Variants in ZC3H7B observed in about 807,000 individuals in gnomAD.
The protein encoded by ZC3H7B is zinc finger CCCH domain-containing protein 7B.
A neutral mutation model predicts 116.0 loss-of-function variants in ZC3H7B; 35 were observed. That is an observed-to-expected ratio of 0.30 (90% CI 0.23 to 0.40). The LOEUF is 0.40. ZC3H7B is among the 10% of genes least tolerant of loss of function. The probability of loss-of-function intolerance (pLI) is 1.00; values close to 1 mark genes in which losing one functional copy is unlikely to be tolerated. For synonymous variants in ZC3H7B, 502 were observed against 545.6 expected (o/e 0.92, Z 1.11); for missense variants, 1,011 against 1,321.5 (o/e 0.77, Z 3.64).
At chr22:41,339,714 G>A (rs1485474165) in intron 9 of ZC3H7B, 102 bp from the exon 10 acceptor site, 41 of 1,127,490 alleles carry the variant, frequency 3.6e-5, no homozygotes, top group Non-Finnish European at 4.9e-5. Context: ...GATGAAGCCA[G>A]GCGACAGGGT....
Position 41,346,027 on chromosome 22 carries a change from A to G in ZC3H7B, c.1484A>G (p.Lys495Arg). Residue 495 changes from lysine to arginine, a missense_variant, in exon 14 of 23, where the codon AAG becomes AGG. Physicochemically the swap from Lys to Arg is conservative, Grantham distance 26 (BLOSUM62 2). Around this residue, in one of 5 missense-constraint regions of ZC3H7B, gnomAD observed 179 missense variants for 178.5 expected, o/e 1.00. Transcript: ENST00000352645. This position sits in a 1 kb window ranked among gnomAD's most constrained non-coding sequence, Gnocchi z 5.3. ...GACATGATTAACAAGCAGGACTGTA[A>G]GTACGGGGATAACTGCACCTTCGCC... ...CKDMINKQDC[K>R]YGDNCTFAYH... 1 of 1,614,138 alleles carries G rather than the reference A, an allele frequency of 6.2e-7. No homozygotes were observed. The highest frequency in any genetic ancestry group is 8.5e-7 in the Non-Finnish European group (1 of 1,180,018).
chr22:41,332,318 G>C, intron 7 of ZC3H7B, 91 bp downstream of exon 7: 1 of 1,494,342 alleles, frequency 6.7e-7, no homozygotes, highest in Non-Finnish European at 9.3e-7. Flanking sequence ...CTCAGGCAGT[G>C]GGTCCAGGGG....
intron 1 of ZC3H7B, among the ~76,000 whole-genome samples, chr22:41,308,927 C>G (rs765783112): frequency 2.6e-5 from 4 of 151,790 alleles, no homozygotes; most frequent in Non-Finnish European, 4.4e-5. Flanking sequence ...TCTTACCCCA[C>G]CTCCTATCTT....
intron 1 of ZC3H7B, among the ~76,000 whole-genome samples, chr22:41,310,211 T>C (rs192044086): frequency 1.1e-4 from 17 of 152,016 alleles, no homozygotes; most frequent in Non-Finnish European, 1.3e-4. Flanking sequence ...TAAATCAACA[T>C]TGAGTGATTG....
intron 1 of ZC3H7B, among the ~76,000 whole-genome samples, chr22:41,307,485 C>A (rs2036059708): frequency 6.6e-6 from 1 of 152,188 alleles, no homozygotes; most frequent in South Asian, 2.1e-4. Flanking sequence ...GAGGGACATT[C>A]CTGCATTCAG....
chr22:41,346,767 G>C lies in ZC3H7B; in HGVS notation c.1665+559G>C, dbSNP rs931226568. ...GGAGGCAAAGGTTGCAGTGAGCCGA[G>C]ATCGCGCAACTGCACTAGAGACTCC... On this transcript the variant is annotated intron_variant, in intron 14 of 22. Coordinates refer to ENST00000352645, the MANE Select transcript of ZC3H7B (RefSeq NM_017590.6). This position sits in a 1 kb window ranked among gnomAD's most constrained non-coding sequence, Gnocchi z 5.3. Among the ~76,000 whole-genome samples, 5 of 152,092 alleles carry C rather than the reference G, an allele frequency of 3.3e-5. No homozygotes were observed. The highest frequency in any genetic ancestry group is 5.9e-5 in the Non-Finnish European group (4 of 68,042).
chr22:41,344,544 G>A (rs1437253362), intron 13 of ZC3H7B, among the ~76,000 whole-genome samples: 2 of 152,116 alleles, frequency 1.3e-5, no homozygotes, highest in Non-Finnish European at 2.9e-5. Context: ...TTCAAGCACC[G>A]CCTGAATCTT....
intron 6 of ZC3H7B, among the ~76,000 whole-genome samples, chr22:41,330,895 C>T (rs1569236286): frequency 7.1e-6 from 1 of 141,434 alleles, no homozygotes; most frequent in Non-Finnish European, 1.5e-5. Context: ...GACTCTCGCT[C>T]TGTCACCCAG....
At position 41,327,398 on chromosome 22, in the gene ZC3H7B, C is replaced by T. The variant is rs2036332957; in HGVS notation, c.444+34C>T. On this transcript the variant is annotated intron_variant, in intron 5 of 22. Transcript: ENST00000352645. The surrounding 1 kb of genome is among the most constrained non-coding windows in gnomAD (Gnocchi z 4.5). ...GGCTCTGCAGCCACGCCGGTGCCTG[C>T]TCAGAGGCCAGGCTTCTGACCTTCC... is the stretch of plus-strand genomic sequence containing the variant. 6.3e-7 allele frequency: 1 copy of T among 1,599,752 alleles called. No individual in the cohort carries two copies. Among genetic ancestry groups the T allele is most frequent in the South Asian group, 1.1e-5 (1 of 90,844 alleles).
At chr22:41,305,999 T>A (rs2036036323) in intron 1 of ZC3H7B, among the ~76,000 whole-genome samples, 1 of 152,152 alleles carries the variant, frequency 6.6e-6, no homozygotes, top group Non-Finnish European at 1.5e-5. Context: ...TTTGAACATC[T>A]GAAAGATAGG....
In ZC3H7B at chr22:41,346,369, C is replaced by T. The variant is rs774295413; in HGVS notation, c.1665+161C>T. On this transcript the variant is annotated intron_variant, in intron 14 of 22. Transcript: ENST00000352645. The surrounding 1 kb of genome is among the most constrained non-coding windows in gnomAD (Gnocchi z 5.3). ...GTCCTGGAGGGTCAGTAAGTCTGGG[C>T]CCTAGGATCCTATCTTGCTAGAGGC... Among the ~76,000 whole-genome samples, 12 of 152,196 alleles carry T rather than the reference C, an allele frequency of 7.9e-5. No individual in the cohort carries two copies. Among genetic ancestry groups the T allele is most frequent in the Non-Finnish European group, 1.5e-4 (10 of 68,032 alleles).
At chr22:41,355,712 A>G in intron 18 of ZC3H7B, 45 bp from the exon 19 acceptor site, 2 of 1,612,560 alleles carry the variant, frequency 1.2e-6, no homozygotes, top group Non-Finnish European at 1.7e-6. Flanking sequence ...CACACAGCAC[A>G]CAGGCTGTGC....
chr22:41,341,274 G>A (rs2036519530), intron 11 of ZC3H7B, 128 bp downstream of exon 11: 2 of 1,138,860 alleles, frequency 1.8e-6, no homozygotes, highest in Non-Finnish European at 1.3e-6. Flanking sequence ...CTCCCAGAGT[G>A]GATGGATCAA....
At position 41,349,536 on chromosome 22, in the gene ZC3H7B, T is replaced by A. The variant is rs2036631112; in HGVS notation, c.1948+235T>A. Among the ~76,000 whole-genome samples the A allele has an allele frequency of 6.6e-6, 1 of 152,072 alleles. No individual in the cohort carries two copies. The highest frequency in any genetic ancestry group is 2.4e-5 in the African/African-American group (1 of 41,402). ...GCTTCCAGGCTCGGAGATCTGGGTT[T>A]TTCCCTTCGTAGGCACCGTCCAGGG... is the stretch of plus-strand genomic sequence containing the variant. On this transcript the variant is annotated intron_variant, in intron 16 of 22. Coordinates refer to ENST00000352645, the MANE Select transcript of ZC3H7B (RefSeq NM_017590.6). This position sits in a 1 kb window ranked among gnomAD's most constrained non-coding sequence, Gnocchi z 4.9.
chr22:41,308,711 C>T (rs906289499), intron 1 of ZC3H7B, among the ~76,000 whole-genome samples: 2 of 152,222 alleles, frequency 1.3e-5, no homozygotes, highest in Non-Finnish European at 2.9e-5. Context: ...TCCTGACACA[C>T]GCAAAACACA....
At chr22:41,337,662 C>T (rs919072107) in intron 7 of ZC3H7B, among the ~76,000 whole-genome samples, 3 of 152,162 alleles carry the variant, frequency 2.0e-5, no homozygotes, top group African/African-American at 7.2e-5. Flanking sequence ...TGGGGGGAGG[C>T]TTGCTAAGAC....
chr22:41,309,008 C>CTTTTTATTT (rs2036082868), intron 1 of ZC3H7B, among the ~76,000 whole-genome samples: 1 of 103,304 alleles, frequency 9.7e-6, no homozygotes, highest in Non-Finnish European at 1.9e-5. Flanking sequence ...TCCCAGTCTG[C>CTTTTTATTT]TTTTTTTTTT....
intron 2 of ZC3H7B, among the ~76,000 whole-genome samples, chr22:41,324,983 C>G (rs111882149): frequency 2.0e-5 from 3 of 152,208 alleles, no homozygotes; most frequent in East Asian, 1.9e-4. Flanking sequence ...AGCCTTCCCC[C>G]GCTCTGCCTT....
At chr22:41,324,159 A>G (rs1027524017) in intron 2 of ZC3H7B, among the ~76,000 whole-genome samples, 3 of 151,930 alleles carry the variant, frequency 2.0e-5, no homozygotes, top group African/African-American at 7.3e-5. Flanking sequence ...GAGGCCAGGA[A>G]GGTAGTGATG....
Sources: allele counts gnomAD v4.1 joint callset (sites outside exome capture counted in the v4.1 genomes callset), GRCh38; gene constraint gnomAD v4.1.1; regional missense constraint gnomAD v4.1.1; non-coding constraint Gnocchi (gnomAD v3.1); transcripts MANE v1.5; gene names NCBI Gene and HGNC (gene_info 2026-07-23, HGNC 2026-07-21).